KIAA1328: variants seen among roughly 807,000 people sequenced by gnomAD.
KIAA1328 encodes the protein protein hinderin.
KIAA1328 carries 52 observed loss-of-function variants against 68.1 expected under a neutral mutation model. That is an observed-to-expected ratio of 0.76 (90% CI 0.61 to 0.96). KIAA1328 has a LOEUF of 0.96. Ranked by LOEUF, KIAA1328 falls within the 40% of genes least tolerant of loss-of-function variation. The pLI, the probability that KIAA1328 is intolerant of heterozygous loss-of-function variation, is 0.00. For missense variants in KIAA1328, 641 were observed against 677.6 expected, an observed-to-expected ratio of 0.95 and a Z score of 0.60; for synonymous variants, 232 against 239.4, an observed-to-expected ratio of 0.97 and a Z score of 0.28.
intron 7 of KIAA1328, among the ~76,000 whole-genome samples, chr18:37,101,664 G>T: frequency 6.6e-6 from 1 of 152,118 alleles, no homozygotes; most frequent in Non-Finnish European, 1.5e-5. Flanking sequence ...GAAATACAGA[G>T]AATGCTACAA....
At chr18:37,083,977 A>G in intron 7 of KIAA1328, 1 of 413,338 alleles carries the variant, frequency 2.4e-6, no homozygotes, top group Non-Finnish European at 4.2e-6. Flanking sequence ...GTTTATGTAT[A>G]TTTAAGAATT....
chr18:36,961,138 A>C (rs1394867062), intron 6 of KIAA1328, among the ~76,000 whole-genome samples: 2 of 152,236 alleles, frequency 1.3e-5, no homozygotes, highest in East Asian at 3.8e-4. Flanking sequence ...GATGGAGCTG[A>C]AAACCATGGC....
chr18:37,027,059 A>G (rs1233370964), intron 6 of KIAA1328, among the ~76,000 whole-genome samples: 1 of 151,278 alleles, frequency 6.6e-6, no homozygotes, highest in East Asian at 2.0e-4. Context: ...AAAAATCACA[A>G]GCATTCTTTA....
At chr18:36,945,521 A>G (rs2151201304) in intron 5 of KIAA1328, among the ~76,000 whole-genome samples, 1 of 152,268 alleles carries the variant, frequency 6.6e-6, no homozygotes, top group Non-Finnish European at 1.5e-5. Flanking sequence ...CCTTAAGATG[A>G]TAACTGTGAT....
chr18:37,017,012 G>A (rs1240734991), intron 6 of KIAA1328, among the ~76,000 whole-genome samples: 8 of 152,020 alleles, frequency 5.3e-5, no homozygotes, highest in African/African-American at 1.9e-4. Context: ...CTGCCAGTTA[G>A]GGATTAGTTT....
intron 5 of KIAA1328, chr18:36,955,816 G>C (rs1459877630): frequency 6.6e-6 from 1 of 151,504 alleles, no homozygotes; most frequent in African/African-American, 2.4e-5. Context: ...TTTTCACAGG[G>C]GCCTCTCTAC....
intron 5 of KIAA1328, among the ~76,000 whole-genome samples, chr18:36,943,398 G>A (rs915114350): frequency 2.0e-5 from 3 of 152,122 alleles, no homozygotes; most frequent in Non-Finnish European, 4.4e-5. Flanking sequence ...AACACAGTCT[G>A]TCATTCTACA....
intron 6 of KIAA1328, among the ~76,000 whole-genome samples, chr18:36,978,147 C>A (rs2052544550): frequency 6.6e-6 from 1 of 152,150 alleles, no homozygotes; most frequent in South Asian, 2.1e-4. Flanking sequence ...CCCATGCAAT[C>A]TTATAAGACT....
chr18:37,070,626 A>G (rs1021763101), intron 7 of KIAA1328, among the ~76,000 whole-genome samples: 2 of 149,676 alleles, frequency 1.3e-5, no homozygotes, highest in African/African-American at 4.9e-5. Flanking sequence ...GTTGGAGTGC[A>G]GTGGCACCAT....
At chr18:37,091,112 A>T (rs2057255117) in intron 7 of KIAA1328, among the ~76,000 whole-genome samples, 2 of 152,210 alleles carry the variant, frequency 1.3e-5, no homozygotes, top group African/African-American at 2.4e-5. Flanking sequence ...TTCTGCAACT[A>T]ATCAGGGAAA....
At chr18:36,867,892 A>G (rs1408301686) in intron 4 of KIAA1328, among the ~76,000 whole-genome samples, 2 of 152,240 alleles carry the variant, frequency 1.3e-5, no homozygotes, top group Non-Finnish European at 2.9e-5. Context: ...TATGTTAAAG[A>G]AAGACTTACT....
intron 9 of KIAA1328, among the ~76,000 whole-genome samples, chr18:37,215,593 A>T (rs2060414124): frequency 6.6e-6 from 1 of 152,170 alleles, no homozygotes; most frequent in Non-Finnish European, 1.5e-5. Flanking sequence ...CATCAGGGAT[A>T]TTGGTCTAAA....
intron 9 of KIAA1328, among the ~76,000 whole-genome samples, chr18:37,174,369 C>T (rs1390134715): frequency 2.7e-5 from 4 of 148,030 alleles, no homozygotes; most frequent in Non-Finnish European, 6.0e-5. Context: ...TTCACTGTTG[C>T]TGCTTTCTTC....
At chr18:37,031,609 A>G (rs954110151) in intron 6 of KIAA1328, among the ~76,000 whole-genome samples, 9 of 152,248 alleles carry the variant, frequency 5.9e-5, no homozygotes, top group African/African-American at 2.2e-4. Flanking sequence ...TTTGATTTAT[A>G]ATCTAGCCAG....
At chr18:37,112,581 A>G (rs2057965720) in intron 7 of KIAA1328, among the ~76,000 whole-genome samples, 1 of 152,210 alleles carries the variant, frequency 6.6e-6, no homozygotes, top group Admixed American at 6.5e-5. Context: ...AAAATTCTAA[A>G]AATCAGAGCG....
chr18:36,960,038 G>GA (rs1332259649), intron 6 of KIAA1328, among the ~76,000 whole-genome samples: 2 of 152,178 alleles, frequency 1.3e-5, no homozygotes, highest in African/African-American at 4.8e-5. Flanking sequence ...CTGGTTGGGG[G>GA]ATTTCCGTTT....
At chr18:37,098,660 T>A (rs961856970) in intron 7 of KIAA1328, among the ~76,000 whole-genome samples, 3 of 152,212 alleles carry the variant, frequency 2.0e-5, no homozygotes, top group African/African-American at 7.2e-5. Context: ...TACCAGTTCC[T>A]CCTTGTACCT....
At chr18:36,981,776 T>G (rs76597147) in intron 6 of KIAA1328, among the ~76,000 whole-genome samples, 1 of 150,996 alleles carries the variant, frequency 6.6e-6, no homozygotes, top group African/African-American at 2.4e-5. Flanking sequence ...TTTTTTTTTT[T>G]GGTAGAGATT....
chr18:37,135,880 G>T (rs370985291), intron 7 of KIAA1328, among the ~76,000 whole-genome samples: 2 of 151,932 alleles, frequency 1.3e-5, no homozygotes, highest in African/African-American at 4.8e-5. Flanking sequence ...AAAGGTAGCC[G>T]GTTACCCAAT....
Sources: gnomAD v4.1 joint callset for allele counts (sites outside exome capture counted in the v4.1 genomes callset) on GRCh38, gnomAD v4.1.1 for gene constraint, MANE v1.5 for transcripts, NCBI Gene and HGNC (gene_info 2026-07-23, HGNC 2026-07-21) for gene names.